SYNPR: variants seen among roughly 807,000 people sequenced by gnomAD.
SYNPR encodes the protein synaptoporin.
A neutral mutation model predicts 32.9 loss-of-function variants in SYNPR; 23 were observed. That is an observed-to-expected ratio of 0.70 (90% CI 0.50 to 0.99). The LOEUF (loss-of-function observed/expected upper bound fraction) is 0.99, where lower values mean the gene tolerates loss of function less well. Among genes scored for constraint, SYNPR ranks in the 50% least tolerant of loss-of-function variants. SYNPR has a pLI of 0.00. For missense variants in SYNPR, 318 were observed against 349.3 expected, an observed-to-expected ratio of 0.91 and a Z score of 0.71; for synonymous variants, 146 against 135.9, an observed-to-expected ratio of 1.07 and a Z score of -0.52.
intron 2 of SYNPR, among the ~76,000 whole-genome samples, chr3:63,402,493 T>C (rs1261693343): frequency 3.9e-5 from 6 of 152,214 alleles, no homozygotes; most frequent in Admixed American, 6.5e-5. Context: ...TAAAGGATTC[T>C]GGAAACACTG....
At chr3:63,475,389 G>A (rs1474067250) in intron 2 of SYNPR, among the ~76,000 whole-genome samples, 1 of 152,162 alleles carries the variant, frequency 6.6e-6, no homozygotes, top group Non-Finnish European at 1.5e-5. Context: ...GGAGGGTGAG[G>A]TGTCTGCTTT....
intron 3 of SYNPR, among the ~76,000 whole-genome samples, chr3:63,523,967 T>G (rs1701957776): frequency 6.6e-6 from 1 of 152,154 alleles, no homozygotes. Flanking sequence ...AGATTTTTAG[T>G]AGACTGCATT....
At chr3:63,484,996 A>G (rs1280607315) in intron 3 of SYNPR, among the ~76,000 whole-genome samples, 1 of 152,186 alleles carries the variant, frequency 6.6e-6, no homozygotes, top group East Asian at 1.9e-4. Flanking sequence ...ATTTTGAAGT[A>G]GAGAGTACAA....
chr3:63,555,981 G>A (rs1465027240), intron 3 of SYNPR, among the ~76,000 whole-genome samples: 1 of 152,224 alleles, frequency 6.6e-6, no homozygotes, highest in Admixed American at 6.5e-5. Flanking sequence ...TCTCTCAGGA[G>A]ATGTTGAGCT....
chr3:63,315,735 T>C (rs1233709129), intron 2 of SYNPR, among the ~76,000 whole-genome samples: 19 of 152,068 alleles, frequency 1.2e-4, no homozygotes, highest in Admixed American at 1.2e-3. Context: ...TTTATTTCTT[T>C]CTCTTGTCTG....
chr3:63,593,026 G>A (rs1038919766), intron 4 of SYNPR, among the ~76,000 whole-genome samples: 3 of 151,836 alleles, frequency 2.0e-5, no homozygotes, highest in Admixed American at 6.6e-5. Flanking sequence ...TTTCAAAGAC[G>A]GCAGACTTAA....
At chr3:63,272,554 G>T (rs2086545769) in intron 3 of SYNPR, among the ~76,000 whole-genome samples, 2 of 147,514 alleles carry the variant, frequency 1.4e-5, no homozygotes, top group African/African-American at 2.5e-5. Flanking sequence ...TGTCCCTTGT[G>T]GTCTTAAAGC....
At chr3:63,607,830 G>T (rs1700145309) in intron 4 of SYNPR, among the ~76,000 whole-genome samples, 1 of 152,236 alleles carries the variant, frequency 6.6e-6, no homozygotes, top group Non-Finnish European at 1.5e-5. Context: ...GAGTGTAAAA[G>T]TTCCCTCAGT....
At chr3:63,278,845 G>T (rs1245665938) in intron 2 of SYNPR, 103 bp downstream of exon 2, 6 of 1,270,572 alleles carry the variant, frequency 4.7e-6, no homozygotes, top group African/African-American at 1.6e-5. Context: ...CCAAGCCGGA[G>T]ATTCAACCCT....
rs189491708 is a variant in SYNPR, at chr3:63,329,105, C to T, written c.84+50363C>T. ...GAGCCAAGAAAAACACACTTTCTCT[C>T]CACGTAAACAAATGAAAGAATTTGA... On this transcript the variant is annotated intron_variant, in intron 2 of 5. Coordinates refer to ENST00000478300, the MANE Select transcript of SYNPR (RefSeq NM_001130003.2). 3.9e-3 allele frequency among the ~76,000 whole-genome samples: 590 copies of T among 152,260 alleles called. 4 individuals carry two copies. Among genetic ancestry groups the T allele is most frequent in the African/African-American group, 0.013 (553 of 41,558 alleles).
intron 3 of SYNPR, among the ~76,000 whole-genome samples, chr3:63,537,278 C>T (rs1189829330): frequency 1.3e-5 from 2 of 152,222 alleles, no homozygotes; most frequent in Non-Finnish European, 2.9e-5. Flanking sequence ...TGTCTACAAA[C>T]TTCTACCTAC....
chr3:63,369,395 G>A (rs538777751), intron 2 of SYNPR, among the ~76,000 whole-genome samples: 1 of 152,306 alleles, frequency 6.6e-6, no homozygotes, highest in Non-Finnish European at 1.5e-5. Flanking sequence ...TGTGGAAAGA[G>A]GAGCACCCAG....
chr3:63,509,722 A>C (rs1025366250), intron 3 of SYNPR, among the ~76,000 whole-genome samples: 6 of 152,162 alleles, frequency 3.9e-5, no homozygotes, highest in African/African-American at 1.4e-4. Context: ...AAAGATAATT[A>C]TTTTTGACAG....
chr3:63,319,034 G>T (rs527835554), intron 2 of SYNPR, among the ~76,000 whole-genome samples: 2 of 151,970 alleles, frequency 1.3e-5, no homozygotes, highest in African/African-American at 2.4e-5. Flanking sequence ...TCTCTTCTGG[G>T]TCTAGCCACC....
chr3:63,310,567 G>A (rs757790465), intron 2 of SYNPR, among the ~76,000 whole-genome samples: 4 of 151,968 alleles, frequency 2.6e-5, no homozygotes, highest in Non-Finnish European at 4.4e-5. Context: ...TTGTCAAGAT[G>A]ACTAGGGCAG....
At chr3:63,606,675 C>G (rs1385637634) in intron 4 of SYNPR, among the ~76,000 whole-genome samples, 1 of 151,988 alleles carries the variant, frequency 6.6e-6, no homozygotes, top group African/African-American at 2.4e-5. Flanking sequence ...AAACAATCAT[C>G]CTGCCTTGGC....
chr3:63,444,574 C>T (rs779423665), intron 2 of SYNPR, among the ~76,000 whole-genome samples: 7 of 152,010 alleles, frequency 4.6e-5, no homozygotes, highest in African/African-American at 1.4e-4. Context: ...TCAGAGATTT[C>T]GAGAGTAAAG....
At chr3:63,490,384 T>C (rs927557144) in intron 3 of SYNPR, among the ~76,000 whole-genome samples, 1 of 151,994 alleles carries the variant, frequency 6.6e-6, no homozygotes, top group East Asian at 1.9e-4. Context: ...TGGGAAGGCA[T>C]TGGAAAGGAG....
the SYNPR span, among the ~76,000 whole-genome samples, chr3:63,209,315 C>CA: frequency 0.3 from 30,899 of 103,094 alleles, 5,327 homozygotes; most frequent in African/African-American, 0.39. Context: ...GACTCCGTCT[C>CA]AAAAAAAAAA....
Sources: allele counts gnomAD v4.1 joint callset (sites outside exome capture counted in the v4.1 genomes callset), GRCh38; gene constraint gnomAD v4.1.1; transcripts MANE v1.5; gene names NCBI Gene and HGNC (gene_info 2026-07-23, HGNC 2026-07-21).